Variants in LIMS1 observed in about 807,000 individuals in gnomAD.
The protein encoded by LIMS1 is LIM and senescent cell antigen-like-containing domain protein 1.
Under a neutral mutation model 44.1 loss-of-function variants are expected in LIMS1, and 18 were observed. The ratio of observed to expected loss-of-function variants is 0.41; its 90% CI spans 0.28 to 0.61. The LOEUF (loss-of-function observed/expected upper bound fraction) is 0.61. LIMS1 is among the 20% of genes least tolerant of loss of function. The pLI is 0.32. For synonymous variants in LIMS1, 93 were observed against 149.1 expected (o/e 0.62, Z 2.74); for missense variants, 201 against 422.0 (o/e 0.48, Z 4.59).
chr2:108,555,723 T>C (rs989740396), intron 1 of LIMS1, among the ~76,000 whole-genome samples: 3 of 152,168 alleles, frequency 2.0e-5, no homozygotes, highest in Non-Finnish European at 2.9e-5. Context: ...GAGAGTAGAA[T>C]TGGGAGGCTG....
At chr2:108,612,029 T>TATATATACACACACATATAC (rs1687677834) in intron 1 of LIMS1, among the ~76,000 whole-genome samples, 1 of 79,930 alleles carries the variant, frequency 1.3e-5, no homozygotes, top group African/African-American at 4.5e-5. Flanking sequence ...CACACACATA[T>TATATATACACACACATATAC]ACACACACAC....
At chr2:108,656,975 C>T (rs1378993705) in intron 1 of LIMS1, among the ~76,000 whole-genome samples, 196 of 65,710 alleles carry the variant, frequency 3.0e-3, no homozygotes, top group South Asian at 9.4e-3. Flanking sequence ...CAACACTAAG[C>T]TTATTACGTG....
chr2:108,603,696 G>T (rs777483090), intron 1 of LIMS1, among the ~76,000 whole-genome samples: 20 of 151,778 alleles, frequency 1.3e-4, no homozygotes, highest in Non-Finnish European at 1.8e-4. Context: ...CAAATGATCT[G>T]CCTGCTTTGG....
At chr2:108,664,577 A>G (rs1691615796) in intron 2 of LIMS1, among the ~76,000 whole-genome samples, 1 of 152,248 alleles carries the variant, frequency 6.6e-6, no homozygotes. Context: ...TTACCTAGAA[A>G]GGCTATATTT....
At chr2:108,681,539 G>T (rs1692993153) in intron 9 of LIMS1, 2 of 971,808 alleles carry the variant, frequency 2.1e-6, no homozygotes, top group East Asian at 1.1e-4. Context: ...CCTGGTTTTT[G>T]GTTTCCTTGC....
intron 1 of LIMS1, among the ~76,000 whole-genome samples, chr2:108,584,889 C>T (rs56711588): frequency 0.45 from 68,214 of 151,742 alleles, 16,434 homozygotes; most frequent in East Asian, 0.94. Context: ...CAGTAGCTCA[C>T]GCTTGTAATC....
intron 1 of LIMS1, among the ~76,000 whole-genome samples, chr2:108,551,945 G>GTATA (rs1354548064): frequency 4.2e-5 from 4 of 96,348 alleles, no homozygotes; most frequent in South Asian, 3.1e-4. Context: ...GTGTGTGTGT[G>GTATA]TGTGTGTGTA....
At chr2:108,639,038 G>A (rs1051563710) in intron 1 of LIMS1, among the ~76,000 whole-genome samples, 4 of 151,490 alleles carry the variant, frequency 2.6e-5, no homozygotes, top group Non-Finnish European at 4.4e-5. Context: ...GTGAGACTCC[G>A]TCTCAAAAAA....
intron 1 of LIMS1, among the ~76,000 whole-genome samples, chr2:108,624,587 TC>T (rs1688452967): frequency 6.7e-6 from 1 of 149,606 alleles, no homozygotes; most frequent in South Asian, 2.1e-4. Flanking sequence ...TGAAACCCCA[TC>T]TCTACTAAAA....
intron 1 of LIMS1, among the ~76,000 whole-genome samples, chr2:108,654,425 A>C (rs1690708315): frequency 6.6e-6 from 1 of 152,090 alleles, no homozygotes; most frequent in South Asian, 2.1e-4. Context: ...GACTGAGTAC[A>C]TTTGTGACTA....
intron 1 of LIMS1, among the ~76,000 whole-genome samples, chr2:108,546,976 G>A (rs1684503320): frequency 2.0e-5 from 3 of 152,170 alleles, no homozygotes; most frequent in African/African-American, 7.2e-5. Flanking sequence ...CGGAAAAAAT[G>A]AAATGGCTGA....
chr2:108,607,480 G>GTA (rs1282794246), intron 1 of LIMS1, among the ~76,000 whole-genome samples: 1 of 152,124 alleles, frequency 6.6e-6, no homozygotes, highest in African/African-American at 2.4e-5. Context: ...CAGAAAAGAG[G>GTA]TATTGATCTC....
chr2:108,635,668 C>G (rs1222473375), intron 1 of LIMS1, among the ~76,000 whole-genome samples: 2 of 152,060 alleles, frequency 1.3e-5, no homozygotes, highest in Non-Finnish European at 2.9e-5. Context: ...CCACTACACT[C>G]CAGCCTGGGT....
chr2:108,564,389 A>G (rs920204640), intron 1 of LIMS1, among the ~76,000 whole-genome samples: 7 of 152,198 alleles, frequency 4.6e-5, no homozygotes, highest in Admixed American at 1.3e-4. Flanking sequence ...GACTCGCTTT[A>G]TTGTGATACG....
intron 1 of LIMS1, among the ~76,000 whole-genome samples, chr2:108,612,003 CACACATATATAT>C (rs1401163267): frequency 1.6e-5 from 2 of 122,692 alleles, no homozygotes; most frequent in Non-Finnish European, 3.4e-5. Context: ...ATTATATATA[CACACATATATAT>C]ATACACACAC....
intron 1 of LIMS1, among the ~76,000 whole-genome samples, chr2:108,550,887 G>A (rs535270171): frequency 2.0e-5 from 3 of 151,964 alleles, no homozygotes; most frequent in Non-Finnish European, 2.9e-5. Flanking sequence ...TTGGGAGACC[G>A]AGGTGGGAGG....
intron 1 of LIMS1, among the ~76,000 whole-genome samples, chr2:108,601,872 T>TTA (rs1363238926): frequency 6.6e-6 from 1 of 152,238 alleles, no homozygotes; most frequent in African/African-American, 2.4e-5. Context: ...GATAAGGATT[T>TTA]TATTGAATCT....
chr2:108,588,127 T>G (rs1431384194), intron 1 of LIMS1, among the ~76,000 whole-genome samples: 1 of 152,320 alleles, frequency 6.6e-6, no homozygotes, highest in South Asian at 2.1e-4. Context: ...CAGTAAGTTT[T>G]TGGGTGAATT....
upstream of LIMS1, chr2:108,534,345 C>T: frequency 4.1e-6 from 1 of 244,876 alleles, no homozygotes; most frequent in Non-Finnish European, 7.7e-6. Flanking sequence ...GTCCCCGCCC[C>T]TCCTTGCCCA....
Sources: allele counts gnomAD v4.1 joint callset (sites outside exome capture counted in the v4.1 genomes callset), GRCh38; gene constraint gnomAD v4.1.1; transcripts MANE v1.5; gene names NCBI Gene and HGNC (gene_info 2026-07-23, HGNC 2026-07-21).